CAT: variants seen among roughly 807,000 people sequenced by gnomAD.
CAT encodes the protein catalase, also known as epididymis secretory sperm binding protein.
Under a neutral mutation model 59.0 loss-of-function variants are expected in CAT, and 43 were observed. The observed-to-expected ratio is 0.73, with a 90% CI of 0.57 to 0.94. The LOEUF (loss-of-function observed/expected upper bound fraction) is 0.94. Ranked by LOEUF, CAT falls within the 40% of genes least tolerant of loss-of-function variation. The pLI is 0.00. For missense variants in CAT, 664 were observed against 682.9 expected (o/e 0.97, Z 0.31); for synonymous variants, 218 against 230.9 (o/e 0.94, Z 0.51).
chr11:34,443,652 T>C (rs1477201573), intron 1 of CAT, among the ~76,000 whole-genome samples: 1 of 152,104 alleles, frequency 6.6e-6, no homozygotes, highest in Non-Finnish European at 1.5e-5. Context: ...TAGCCTCTGA[T>C]CCCTTTAAAA....
chr11:34,453,772 A>G, intron 5 of CAT, 29 bp from the exon 6 acceptor site: 1 of 1,606,990 alleles, frequency 6.2e-7, no homozygotes. Flanking sequence ...AAATGAAAAC[A>G]TTTTAGGCTT....
At chr11:34,454,719 G>A (rs1208764254) in intron 6 of CAT, among the ~76,000 whole-genome samples, 7 of 152,152 alleles carry the variant, frequency 4.6e-5, no homozygotes, top group Non-Finnish European at 2.9e-5. Flanking sequence ...TTATGAAACA[G>A]TTGACCCATT....
At chr11:34,470,419 A>G (rs1856761357) in intron 11 of CAT, among the ~76,000 whole-genome samples, 1 of 152,112 alleles carries the variant, frequency 6.6e-6, no homozygotes, top group African/African-American at 2.4e-5. Context: ...GTTTTATGAC[A>G]TAGGCATGAT....
chr11:34,445,158 G>A (rs540291254), intron 1 of CAT, among the ~76,000 whole-genome samples: 42 of 152,156 alleles, frequency 2.8e-4, no homozygotes, highest in African/African-American at 9.4e-4. Context: ...TAGGGATCAG[G>A]TATATAGATG....
intron 2 of CAT, among the ~76,000 whole-genome samples, chr11:34,450,783 C>T (rs867946627): frequency 5.9e-5 from 9 of 152,198 alleles, no homozygotes; most frequent in Non-Finnish European, 1.2e-4. Flanking sequence ...ATGTGGCATT[C>T]GACTTAGCAC....
intron 1 of CAT, among the ~76,000 whole-genome samples, chr11:34,448,562 T>C (rs889120982): frequency 1.3e-5 from 2 of 152,218 alleles, no homozygotes; most frequent in African/African-American, 4.8e-5. Context: ...TAAAATAACC[T>C]ATCCCATTTC....
chr11:34,471,375 T>C lies in CAT; in HGVS notation c.1526T>C (p.Ile509Thr), dbSNP rs1856770653. 2.4e-5 allele frequency: 39 copies of C among 1,613,962 alleles called. No individual in the cohort carries two copies. The highest frequency in any genetic ancestry group is 3.2e-5 in the Non-Finnish European group (38 of 1,179,798). The change falls in exon 13 of 13, where the codon ATT (isoleucine) becomes ACT (threonine). Residue 509 changes from isoleucine to threonine, a missense_variant. Coordinates refer to ENST00000241052, the MANE Select transcript of CAT (RefSeq NM_001752.4). Reference protein sequence around the residue: ...KYNAEKPKNAIHTFVQSGSHL... With the variant: ...KYNAEKPKNATHTFVQSGSHL... ...CTTGTTCTTTTAAAACAGAATGCGA[T>C]TCACACCTTTGTGCAGTCCGGATCT...
intron 9 of CAT, among the ~76,000 whole-genome samples, chr11:34,463,678 C>G (rs2133857976): frequency 6.6e-6 from 1 of 152,324 alleles, no homozygotes; most frequent in South Asian, 2.1e-4. Context: ...TTTTGTGATG[C>G]AGTGTTTGAA....
chr11:34,444,636 A>G (rs189783877), intron 1 of CAT, among the ~76,000 whole-genome samples: 140 of 152,330 alleles, frequency 9.2e-4, no homozygotes, highest in African/African-American at 3.2e-3. Context: ...TCTGGGACTG[A>G]TGGGCAATTT....
chr11:34,458,302 T>C (rs1436755112), intron 8 of CAT, among the ~76,000 whole-genome samples: 1 of 152,246 alleles, frequency 6.6e-6, no homozygotes, highest in Admixed American at 6.5e-5. Context: ...TTGGGTAGGT[T>C]CATTGAGTAT....
intron 9 of CAT, among the ~76,000 whole-genome samples, 198 bp from the exon 10 acceptor site, chr11:34,463,907 C>T (rs150370180): frequency 3.3e-5 from 5 of 152,266 alleles, no homozygotes; most frequent in East Asian, 1.9e-4. Context: ...CAGATGGCAG[C>T]GTTCCCTAAG....
intron 10 of CAT, 82 bp downstream of exon 10, chr11:34,464,317 T>C: frequency 1.5e-6 from 2 of 1,315,356 alleles, no homozygotes; most frequent in Non-Finnish European, 2.2e-6. Flanking sequence ...TCCCTGCAAA[T>C]GCCCCAACTG....
In CAT at chr11:34,471,669, G is replaced by A. The variant is rs188701579; in HGVS notation, c.*236G>A. 56 of 534,346 alleles carry A rather than the reference G, an allele frequency of 1.0e-4. No individual in the cohort carries two copies. The highest frequency in any genetic ancestry group is 8.2e-4 in the African/African-American group (43 of 52,602). 33.1% of individuals were successfully genotyped at this position (534,346 alleles called of 1,614,324 possible). ...AAAAATTTGTTTTGACGGATGATTG[G>A]ATTATTCATTTAAAATGATTAGAAG... On this transcript the variant is annotated 3_prime_UTR_variant, in exon 13 of 13. Coordinates refer to ENST00000241052, the MANE Select transcript of CAT (RefSeq NM_001752.4).
At chr11:34,454,923 T>C (rs897937916) in intron 6 of CAT, among the ~76,000 whole-genome samples, 3 of 152,192 alleles carry the variant, frequency 2.0e-5, no homozygotes, top group African/African-American at 4.8e-5. Context: ...CACTGTGAAG[T>C]TGGCATAATA....
chr11:34,440,567 C>T (rs1856376849), intron 1 of CAT, among the ~76,000 whole-genome samples: 1 of 143,948 alleles, frequency 6.9e-6, no homozygotes, highest in Non-Finnish European at 1.5e-5. Context: ...CTTTTCTTTT[C>T]TTTTTTTTTT....
At chr11:34,467,253 A>G (rs75678457) in intron 10 of CAT, among the ~76,000 whole-genome samples, 84 of 152,374 alleles carry the variant, frequency 5.5e-4, no homozygotes, top group African/African-American at 1.9e-3. Flanking sequence ...TAAAAAGTCA[A>G]CAGATATAGT....
intron 8 of CAT, among the ~76,000 whole-genome samples, chr11:34,457,355 C>T (rs762133942): frequency 1.3e-4 from 20 of 151,778 alleles, no homozygotes; most frequent in South Asian, 4.2e-4. Context: ...TACAGGCGCC[C>T]GCCACCATGC....
rs189225026 is a variant in CAT at position 34,463,280 on chromosome 11, G to C, written c.1196-825G>C. Among the ~76,000 whole-genome samples the C allele has an allele frequency of 6.1e-3, 928 of 152,308 alleles. 14 individuals carry two copies. The highest frequency in any genetic ancestry group is 0.021 in the African/African-American group (874 of 41,560). ...CTTATAATTTATTTCAAAAGTCATA[G>C]AAAATATTTTGATTGTATTTGTCAC... On this transcript the variant is annotated intron_variant, in intron 9 of 12. Coordinates refer to ENST00000241052, the MANE Select transcript of CAT (RefSeq NM_001752.4).
At chr11:34,464,481 A>G (rs995112544) in intron 10 of CAT, among the ~76,000 whole-genome samples, 1 of 152,184 alleles carries the variant, frequency 6.6e-6, no homozygotes, top group Non-Finnish European at 1.5e-5. Context: ...TTGAAGGGAT[A>G]TGGGGAGGGG....
Sources: allele counts gnomAD v4.1 joint callset (sites outside exome capture counted in the v4.1 genomes callset), GRCh38; gene constraint gnomAD v4.1.1; transcripts MANE v1.5; gene names NCBI Gene and HGNC (gene_info 2026-07-23, HGNC 2026-07-21).